Variants in PRICKLE1 observed in about 807,000 individuals in gnomAD.
PRICKLE1 encodes the protein prickle planar cell polarity protein 1, also known as prickle-like protein 1.
In PRICKLE1, 14 loss-of-function variants were observed where a neutral mutation model predicts 70.2. That is an observed-to-expected ratio of 0.20 (90% CI 0.13 to 0.31). PRICKLE1 has a LOEUF of 0.31. Ranked by LOEUF, PRICKLE1 falls within the 10% of genes least tolerant of loss-of-function variation. The probability of loss-of-function intolerance (pLI) is 1.00; values close to 1 mark genes in which losing one functional copy is unlikely to be tolerated. For missense variants in PRICKLE1, 821 were observed against 1,026.2 expected, an observed-to-expected ratio of 0.80 and a Z score of 2.73; for synonymous variants, 357 against 379.9, an observed-to-expected ratio of 0.94 and a Z score of 0.70.
At chr12:42,507,245 C>T (rs1048787204) in intron 1 of PRICKLE1, among the ~76,000 whole-genome samples, 2 of 152,086 alleles carry the variant, frequency 1.3e-5, no homozygotes, top group Admixed American at 6.6e-5. Flanking sequence ...TTCCGGCACA[C>T]GGACTGACAC....
chr12:42,576,995 A>G (rs180798430), intron 1 of PRICKLE1, among the ~76,000 whole-genome samples: 13 of 152,332 alleles, frequency 8.5e-5, no homozygotes, highest in Non-Finnish European at 2.9e-5. Flanking sequence ...GAAAGTTATT[A>G]GGGTTATTGA....
intron 1 of PRICKLE1, among the ~76,000 whole-genome samples, chr12:42,586,882 T>C (rs1031943577): frequency 2.0e-5 from 3 of 152,248 alleles, no homozygotes; most frequent in African/African-American, 7.2e-5. Flanking sequence ...TTTAACTTTT[T>C]TGGTCTTTTC....
intron 1 of PRICKLE1, among the ~76,000 whole-genome samples, chr12:42,501,644 A>G (rs577193680): frequency 6.6e-6 from 1 of 151,966 alleles, no homozygotes; most frequent in Non-Finnish European, 1.5e-5. Context: ...TCCTACGAAT[A>G]TCTTTCATGA....
chr12:42,506,485 G>T (rs969428009), intron 1 of PRICKLE1, among the ~76,000 whole-genome samples: 4 of 150,354 alleles, frequency 2.7e-5, no homozygotes, highest in African/African-American at 9.8e-5. Context: ...TTGAACTCCT[G>T]ACCCCAGGTG....
chr12:42,580,883 A>AGGAAGGAAGGAC (rs771701569), intron 1 of PRICKLE1, among the ~76,000 whole-genome samples: 11 of 152,124 alleles, frequency 7.2e-5, no homozygotes, highest in Non-Finnish European at 1.2e-4. Context: ...CAAAAGAGAA[A>AGGAAGGAAGGAC]GGAAGGAAGG....
intron 1 of PRICKLE1, among the ~76,000 whole-genome samples, chr12:42,509,064 CT>C (rs1939467972): frequency 6.6e-6 from 1 of 152,186 alleles, no homozygotes. Context: ...CATGTGGTTC[CT>C]TTGAGAACAG....
At chr12:42,493,455 T>C (rs960391730) in intron 1 of PRICKLE1, among the ~76,000 whole-genome samples, 2 of 152,176 alleles carry the variant, frequency 1.3e-5, no homozygotes, top group Non-Finnish European at 2.9e-5. Context: ...AAAAAAAAGA[T>C]CTGACACAAA....
chr12:42,480,818 A>C (rs1169355484), intron 1 of PRICKLE1, among the ~76,000 whole-genome samples: 1 of 152,214 alleles, frequency 6.6e-6, no homozygotes, highest in African/African-American at 2.4e-5. Flanking sequence ...TCCTATTTTC[A>C]AGAATTACAC....
chr12:42,467,945 A>G (rs1056817272), intron 5 of PRICKLE1, among the ~76,000 whole-genome samples: 1 of 152,220 alleles, frequency 6.6e-6, no homozygotes, highest in Non-Finnish European at 1.5e-5. Context: ...GCATCTGTTA[A>G]AACACTGGGA....
chr12:42,504,857 A>G (rs957005462), intron 1 of PRICKLE1, among the ~76,000 whole-genome samples: 9 of 152,112 alleles, frequency 5.9e-5, no homozygotes, highest in Non-Finnish European at 1.0e-4. Flanking sequence ...AAACATGGTC[A>G]CTTAGCTGGG....
intron 1 of PRICKLE1, among the ~76,000 whole-genome samples, chr12:42,566,205 C>T (rs761958235): frequency 3.9e-5 from 6 of 151,938 alleles, no homozygotes; most frequent in Non-Finnish European, 7.4e-5. Flanking sequence ...TTGAATGGGA[C>T]GAAAGAATGG....
chr12:42,579,252 T>G (rs890991665), intron 1 of PRICKLE1, among the ~76,000 whole-genome samples: 2 of 152,188 alleles, frequency 1.3e-5, no homozygotes, highest in Admixed American at 1.3e-4. Context: ...TTTTACAGGG[T>G]GACCAGGGAA....
chr12:42,517,357 G>A (rs1939628761), intron 1 of PRICKLE1, among the ~76,000 whole-genome samples: 1 of 117,022 alleles, frequency 8.5e-6, no homozygotes, highest in Non-Finnish European at 1.6e-5. Context: ...CTGTAGCCCA[G>A]GTTGGAGTGC....
intron 1 of PRICKLE1, among the ~76,000 whole-genome samples, chr12:42,489,108 A>C (rs1939043068): frequency 6.6e-6 from 1 of 151,280 alleles, no homozygotes; most frequent in South Asian, 2.1e-4. Context: ...TTTTTAGTAG[A>C]GATGGGGTTT....
chr12:42,579,877 T>C (rs1467342614), intron 1 of PRICKLE1, among the ~76,000 whole-genome samples: 2 of 151,672 alleles, frequency 1.3e-5, no homozygotes, highest in Non-Finnish European at 2.9e-5. Context: ...GAGTTTATAT[T>C]ATTTTTTTTT....
chr12:42,580,427 T>C (rs948698029), intron 1 of PRICKLE1, among the ~76,000 whole-genome samples: 1 of 152,186 alleles, frequency 6.6e-6, no homozygotes, highest in African/African-American at 2.4e-5. Flanking sequence ...GTTGTTAACC[T>C]GGAGAAAAAT....
rs1357143552 is a variant in PRICKLE1, at chr12:42,589,744, T to C, written c.-328A>G. 1.4e-5 allele frequency: 2 copies of C among 147,722 alleles called. No individual in the cohort carries two copies. The highest frequency in any genetic ancestry group is 3.0e-5 in the Non-Finnish European group (2 of 66,510). 9.2% of individuals were successfully genotyped at this position (147,722 alleles called of 1,614,324 possible). A position where few individuals can be genotyped will look rare whatever the true frequency, so the allele number is the denominator to read the frequency against. ...GCTGGCAGCTGGGCTGCAGGCGGAGTGCGCTCGGGCTCCGGAGCCGCGCGC... is the reference window on the plus strand; with the variant it reads ...GCTGGCAGCTGGGCTGCAGGCGGAGCGCGCTCGGGCTCCGGAGCCGCGCGC... On this transcript the variant is annotated 5_prime_UTR_variant, in exon 1 of 8. Transcript: ENST00000345127. This position sits in a 1 kb window ranked among gnomAD's most constrained non-coding sequence, Gnocchi z 5.0.
chr12:42,564,269 A>AAAAAAAAAAAAAAAAAAAAAG (rs71084673), intron 1 of PRICKLE1, among the ~76,000 whole-genome samples: 13 of 124,974 alleles, frequency 1.0e-4, no homozygotes, highest in East Asian at 4.5e-4. Context: ...AAAAAAAAAA[A>AAAAAAAAAAAAAAAAAAAAAG]AAAGAAAAGA....
At chr12:42,484,539 G>A (rs1367625344) in intron 1 of PRICKLE1, 1 of 152,192 alleles carries the variant, frequency 6.6e-6, no homozygotes, top group Non-Finnish European at 1.5e-5. Context: ...CTGCATTTCG[G>A]AGTGATTCCT....
Sources: gnomAD v4.1 joint callset for allele counts (sites outside exome capture counted in the v4.1 genomes callset) on GRCh38, gnomAD v4.1.1 for gene constraint, Gnocchi (gnomAD v3.1) non-coding constraint, MANE v1.5 for transcripts, NCBI Gene and HGNC (gene_info 2026-07-23, HGNC 2026-07-21) for gene names.